NOTCH2: variants seen among roughly 807,000 people sequenced by gnomAD.
The protein encoded by NOTCH2 is neurogenic locus notch homolog protein 2.
NOTCH2 carries 29 observed loss-of-function variants against 235.8 expected under a neutral mutation model. The observed-to-expected ratio is 0.12, with a 90% CI of 0.09 to 0.17. The LOEUF is 0.17. Ranked by LOEUF, NOTCH2 falls within the 10% of genes least tolerant of loss-of-function variation. NOTCH2 has a pLI of 1.00. For missense variants in NOTCH2, 2,285 were observed against 3,150.2 expected (o/e 0.73, Z 6.57); for synonymous variants, 1,086 against 1,141.5 (o/e 0.95, Z 0.98).
chr1:120,017,965 T>C (rs1297006920), intron 2 of NOTCH2, among the ~76,000 whole-genome samples: 31 of 151,690 alleles, frequency 2.0e-4, no homozygotes, highest in African/African-American at 7.3e-4. Context: ...TGCTAGATTC[T>C]GTAGTGACTG....
At chr1:119,931,755 T>A (rs1649667683) in intron 22 of NOTCH2, among the ~76,000 whole-genome samples, 1 of 151,816 alleles carries the variant, frequency 6.6e-6, no homozygotes, top group Admixed American at 6.6e-5. Context: ...TGGGAGAATT[T>A]CTTTACGATC....
At chr1:119,971,972 A>C (rs1185349820) in intron 5 of NOTCH2, among the ~76,000 whole-genome samples, 1 of 151,940 alleles carries the variant, frequency 6.6e-6, no homozygotes. Flanking sequence ...AATGAGGGTA[A>C]TGAGGGAAAT....
At chr1:119,966,204 A>G (rs1382219146) in intron 9 of NOTCH2, among the ~76,000 whole-genome samples, 172 bp downstream of exon 9, 2 of 152,212 alleles carry the variant, frequency 1.3e-5, no homozygotes, top group East Asian at 3.9e-4. Context: ...CTTGTAAGAT[A>G]TAGTAGCTAA....
At chr1:119,989,140 C>T (rs1216442500) in intron 4 of NOTCH2, among the ~76,000 whole-genome samples, 1 of 152,180 alleles carries the variant, frequency 6.6e-6, no homozygotes, top group Admixed American at 6.5e-5. Context: ...TCAGCATTGC[C>T]ATGCAATAGC....
intron 1 of NOTCH2, among the ~76,000 whole-genome samples, chr1:120,060,463 AT>A (rs1655274858): frequency 6.7e-6 from 1 of 149,236 alleles, no homozygotes; most frequent in South Asian, 2.1e-4. Flanking sequence ...ATATATATAT[AT>A]ATATATAAAA....
chr1:120,047,779 T>C (rs1359218944), intron 1 of NOTCH2, among the ~76,000 whole-genome samples: 2 of 140,338 alleles, frequency 1.4e-5, no homozygotes, highest in African/African-American at 5.7e-5. Flanking sequence ...TTTTTTTTTT[T>C]TTTGAGATGC....
chr1:119,956,427 C>T (rs1650704097), intron 12 of NOTCH2, among the ~76,000 whole-genome samples: 1 of 152,132 alleles, frequency 6.6e-6, no homozygotes, highest in South Asian at 2.1e-4. Context: ...CCAAATGAAA[C>T]AGATACCCAC....
chr1:119,922,732 A>G lies in NOTCH2; in HGVS notation c.4906T>C (p.Ser1636Pro), dbSNP rs2101156361. Residue 1636 changes from serine (S) to proline (P), a missense_variant, in exon 27 of 34, where the codon TCA becomes CCA. By Grantham distance (74) the Ser-to-Pro change is moderately conservative. Transcript: ENST00000256646. ...TCCGTGTTCTTGAAGCAGTGGTCTG[A>G]GTCTTGAACACACTGGCGGTTGTCA... ...EIDNRQCVQD[S>P]DHCFKNTDAA... 6.2e-7 allele frequency: 1 copy of G among 1,614,216 alleles called. No homozygotes were observed. Among genetic ancestry groups the G allele is most frequent in the Non-Finnish European group, 8.5e-7 (1 of 1,180,040 alleles).
intron 1 of NOTCH2, among the ~76,000 whole-genome samples, chr1:120,065,245 T>C (rs1234874039): frequency 2.6e-5 from 4 of 152,334 alleles, no homozygotes; most frequent in East Asian, 1.9e-4. Flanking sequence ...TTTTAAAATG[T>C]CTAGGAGTAC....
At position 119,977,080 on chromosome 1, in the gene NOTCH2, A is replaced by T. The variant is rs1457271338; in HGVS notation, c.875-7336T>A. Among the ~76,000 whole-genome samples, 3 of 152,134 alleles carry T rather than the reference A, an allele frequency of 2.0e-5. No individual in the cohort carries two copies. The East Asian group carries it at 5.8e-4, about 29-fold the overall frequency. ...TCACTAGACTGTCAGTGCCATGAAG[A>T]AATGGGGGGTAGCTGTTTACCTCAT... is the stretch of plus-strand genomic sequence containing the variant. On this transcript the variant is annotated intron_variant, in intron 5 of 33. Transcript: ENST00000256646.
chr1:119,980,327 A>G (rs587685616), intron 5 of NOTCH2, among the ~76,000 whole-genome samples: 2 of 152,200 alleles, frequency 1.3e-5, no homozygotes, highest in Admixed American at 1.3e-4. Context: ...GTAAGAGTAA[A>G]CCCCTCCCAA....
Position 119,940,619 on chromosome 1 carries a change from C to G in NOTCH2, c.3119G>C (p.Cys1040Ser), listed in dbSNP as rs2101103760. The G allele has an allele frequency of 1.2e-6, 2 of 1,614,076 alleles. No individual in the cohort carries two copies. The highest frequency in any genetic ancestry group is 1.7e-6 in the Non-Finnish European group (2 of 1,179,944). ...SSHPCLNEGTCVDGLGTYRCS... is the reference protein window; with the variant it reads ...SSHPCLNEGTSVDGLGTYRCS... Reference sequence around the variant, plus strand: ...GCGGTAGGTACCCAGGCCATCAACACACGTTCCCTCATTCAGGCATGGATG... The same window carrying G: ...GCGGTAGGTACCCAGGCCATCAACAGACGTTCCCTCATTCAGGCATGGATG... Residue 1040 changes from cysteine to serine, a missense_variant, in exon 19 of 34, where the codon TGT becomes TCT. Cys to Ser is a moderately radical substitution (Grantham distance 112, BLOSUM62 -1). This residue lies in a region of NOTCH2 where 1,173 missense variants were observed against 1,515.3 expected (regional missense o/e 0.77). Coordinates refer to ENST00000256646, the MANE Select transcript of NOTCH2 (RefSeq NM_024408.4).
At chr1:120,001,566 C>A (rs184386124) in intron 3 of NOTCH2, among the ~76,000 whole-genome samples, 2 of 152,070 alleles carry the variant, frequency 1.3e-5, no homozygotes, top group South Asian at 2.1e-4. Context: ...ACCAACACTG[C>A]ACCTTTGATA....
intron 13 of NOTCH2, 49 bp downstream of exon 13, chr1:119,954,991 T>TACA (rs1553198220): frequency 6.3e-7 from 1 of 1,599,560 alleles, no homozygotes; most frequent in Admixed American, 1.7e-5. Flanking sequence ...ACAAGCCAAC[T>TACA]GGCTTAACAC....
chr1:119,996,139 C>T (rs1308551038), intron 4 of NOTCH2: 11 of 157,726 alleles, frequency 7.0e-5, no homozygotes, highest in Admixed American at 6.6e-4. Flanking sequence ...ATTCTGTTCC[C>T]AATCAAAATT....
chr1:120,060,390 T>G (rs1329878815), intron 1 of NOTCH2, among the ~76,000 whole-genome samples: 2 of 148,162 alleles, frequency 1.3e-5, no homozygotes, highest in East Asian at 3.9e-4. Context: ...AAACCTAGTG[T>G]TGACAATAGT....
intron 29 of NOTCH2, 32 bp downstream of exon 29, chr1:119,921,681 T>C (rs750950759): frequency 2.6e-6 from 4 of 1,565,620 alleles, no homozygotes; most frequent in Non-Finnish European, 2.6e-6. Flanking sequence ...AGATAATGGC[T>C]GACAATGGTG....
chr1:119,987,151 A>G (rs587628283), intron 4 of NOTCH2, 69 bp from the exon 5 acceptor site: 8 of 1,589,408 alleles, frequency 5.0e-6, no homozygotes, highest in Non-Finnish European at 6.9e-6. Context: ...CTGTTCCCAC[A>G]GAACATGGTT....
chr1:120,009,544 T>G (rs1653103331), intron 2 of NOTCH2, among the ~76,000 whole-genome samples: 1 of 152,114 alleles, frequency 6.6e-6, no homozygotes, highest in African/African-American at 2.4e-5. Flanking sequence ...ATTTCAGATA[T>G]TTCTCTTTCT....
Sources: allele counts gnomAD v4.1 joint callset (sites outside exome capture counted in the v4.1 genomes callset), GRCh38; gene constraint gnomAD v4.1.1; regional missense constraint gnomAD v4.1.1; transcripts MANE v1.5; gene names NCBI Gene and HGNC (gene_info 2026-07-23, HGNC 2026-07-21).